The following STEAP1B variants were observed in gnomAD, a reference collection of about 807,000 sequenced individuals.
The protein encoded by STEAP1B is STEAP family protein MGC87042.
A neutral mutation model predicts 27.9 loss-of-function variants in STEAP1B; 13 were observed. That is an observed-to-expected ratio of 0.47 (90% CI 0.30 to 0.74). STEAP1B has a LOEUF of 0.74. Among genes scored for constraint, STEAP1B ranks in the 30% least tolerant of loss-of-function variants. STEAP1B has a pLI of 0.06. For missense variants in STEAP1B, 250 were observed against 298.7 expected (o/e 0.84, Z 1.20); for synonymous variants, 86 against 107.1 (o/e 0.80, Z 1.22).
At chr7:22,497,760 T>A (rs1454838758) in intron 1 of STEAP1B, among the ~76,000 whole-genome samples, 1 of 152,210 alleles carries the variant, frequency 6.6e-6, no homozygotes, top group East Asian at 1.9e-4. Flanking sequence ...GGAGATTTAA[T>A]TGGCTCATGG....
In STEAP1B at chr7:22,437,373, G is replaced by C. The variant is rs115173921; in HGVS notation, c.763-17537C>G. Among the ~76,000 whole-genome samples, 1,326 of 152,190 alleles carry C rather than the reference G, an allele frequency of 8.7e-3. 12 individuals carry two copies. Among genetic ancestry groups the C allele is most frequent in the African/African-American group, 0.03 (1,253 of 41,502 alleles). ...TGCAGTAGTTGTCTTTCTGTGTCTG[G>C]CTTACTTCACTTAGCATAATGTCTT... On this transcript the variant is annotated intron_variant, in intron 4 of 4. Coordinates refer to ENST00000678116, the MANE Select transcript of STEAP1B (RefSeq NM_001382447.1).
intron 4 of STEAP1B, among the ~76,000 whole-genome samples, chr7:22,487,570 GC>G (rs1192255700): frequency 7.6e-6 from 1 of 131,740 alleles, no homozygotes; most frequent in Non-Finnish European, 1.6e-5. Flanking sequence ...GATGGCGGGG[GC>G]GGGGGGGTGC....
At chr7:22,447,798 G>A (rs1211724633) in intron 4 of STEAP1B, among the ~76,000 whole-genome samples, 2 of 152,202 alleles carry the variant, frequency 1.3e-5, no homozygotes, top group Non-Finnish European at 1.5e-5. Flanking sequence ...AAATTGCATT[G>A]CCACCTAGTA....
In STEAP1B at chr7:22,493,590, T is replaced by C. The variant is rs1786382220; in HGVS notation, c.331A>G (p.Ile111Val). Residue 111 changes from isoleucine (I) to valine (V), a missense_variant, in exon 3 of 5, where the codon ATC becomes GTC. Transcript: ENST00000678116. ...SHQQYFYKIPILVINKVLPMV... is the reference protein window; with the variant it reads ...SHQQYFYKIPVLVINKVLPMV... ...GGCAAGACTTTGTTGATGACCAGGA[T>C]TGGAATTTTATAAAAATATTGTTGA... 3 of 1,613,800 alleles carry C rather than the reference T, an allele frequency of 1.9e-6. No individual in the cohort carries two copies. The highest frequency in any genetic ancestry group is 1.3e-5 in the African/African-American group (1 of 74,904).
chr7:22,442,460 T>C (rs770199530), intron 4 of STEAP1B, among the ~76,000 whole-genome samples: 10 of 152,256 alleles, frequency 6.6e-5, no homozygotes, highest in Non-Finnish European at 1.2e-4. Context: ...ACCTGTCCTA[T>C]TAGGCCCTGA....
At chr7:22,471,632 C>T (rs746193427) in intron 4 of STEAP1B, among the ~76,000 whole-genome samples, 23 of 152,222 alleles carry the variant, frequency 1.5e-4, no homozygotes, top group Middle Eastern at 3.4e-3. Flanking sequence ...AGGCCAGGTA[C>T]GGTGGCTCAC....
At chr7:22,444,568 G>C (rs564123108) in intron 4 of STEAP1B, among the ~76,000 whole-genome samples, 1 of 152,280 alleles carries the variant, frequency 6.6e-6, no homozygotes, top group East Asian at 1.9e-4. Flanking sequence ...ATGTCCCATC[G>C]GCTGCCCGGG....
chr7:22,444,217 G>A (rs1785375193), intron 4 of STEAP1B, among the ~76,000 whole-genome samples: 1 of 152,220 alleles, frequency 6.6e-6, no homozygotes, highest in African/African-American at 2.4e-5. Flanking sequence ...TGCTGCAAAG[G>A]AGTGAGGGTA....
intron 4 of STEAP1B, among the ~76,000 whole-genome samples, chr7:22,454,315 A>G (rs776806201): frequency 4.6e-5 from 7 of 152,162 alleles, no homozygotes; most frequent in Admixed American, 3.9e-4. Flanking sequence ...CAATTACTGC[A>G]AAGATCTTAT....
chr7:22,484,593 T>G lies in STEAP1B; in HGVS notation c.762+7972A>C, dbSNP rs986553250. On this transcript the variant is annotated intron_variant, in intron 4 of 4. Coordinates refer to ENST00000678116, the MANE Select transcript of STEAP1B (RefSeq NM_001382447.1). The stretch of plus-strand genomic sequence containing the variant: ...GTTTTGTTTTGTTTTTCACACCTGC[T>G]AATACCATATTCATTCTGCAGCCCA... Among the ~76,000 whole-genome samples the G allele has an allele frequency of 6.6e-5, 10 of 152,348 alleles. No homozygotes were observed. In the South Asian group the frequency reaches 1.7e-3, roughly 25 times the overall value.
rs1253091032 is a variant in STEAP1B at position 22,419,712 on chromosome 7, G to A, written c.*92C>T. On this transcript the variant is annotated 3_prime_UTR_variant, in exon 5 of 5. Transcript: ENST00000678116. ...GCATGGCTGTTCATTGTGGCAGAGG[G>A]AAAGGGCACTGGGTGGTGTTCTGCA... is the stretch of plus-strand genomic sequence containing the variant. 2.1e-6 allele frequency: 3 copies of A among 1,411,552 alleles called. No individual in the cohort carries two copies. The highest frequency in any genetic ancestry group is 5.3e-5 in the East Asian group (2 of 37,820). The allele number at this position is 1,411,552 out of a possible 1,614,324, so 87.4% of individuals were successfully genotyped here.
chr7:22,445,486 A>G lies in STEAP1B; in HGVS notation c.763-25650T>C, dbSNP rs116602719. Among the ~76,000 whole-genome samples the G allele has an allele frequency of 5.4e-3, 826 of 152,350 alleles. 6 individuals carry two copies. The highest frequency in any genetic ancestry group is 0.018 in the African/African-American group (751 of 41,574). ...GAGAACCGGGCAGGAACTGGCCAGC[A>G]AAGGCAGCTATAAATACTCCTCTTG... On this transcript the variant is annotated intron_variant, in intron 4 of 4. Coordinates refer to ENST00000678116, the MANE Select transcript of STEAP1B (RefSeq NM_001382447.1).
chr7:22,456,161 T>C (rs1785576050), intron 4 of STEAP1B, among the ~76,000 whole-genome samples: 1 of 151,458 alleles, frequency 6.6e-6, no homozygotes, highest in South Asian at 2.1e-4. Flanking sequence ...AAAAAAAAAA[T>C]CTTCCTAATC....
At chr7:22,460,901 T>C (rs182973616) in intron 4 of STEAP1B, among the ~76,000 whole-genome samples, 2 of 152,348 alleles carry the variant, frequency 1.3e-5, no homozygotes, top group African/African-American at 4.8e-5. Flanking sequence ...TACCTTTTCA[T>C]TGTATTACTG....
chr7:22,480,595 C>T (rs1468191215), intron 4 of STEAP1B, among the ~76,000 whole-genome samples: 1 of 152,206 alleles, frequency 6.6e-6, no homozygotes, highest in Non-Finnish European at 1.5e-5. Flanking sequence ...AAGCTATCCA[C>T]TCTATTGAGA....
intron 4 of STEAP1B, among the ~76,000 whole-genome samples, chr7:22,455,831 C>T (rs140361519): frequency 3.5e-4 from 54 of 152,306 alleles, no homozygotes; most frequent in Non-Finnish European, 6.9e-4. Flanking sequence ...CCTAAAAAGG[C>T]AAACGAGTAT....
chr7:22,445,360 T>C (rs1488236049), intron 4 of STEAP1B, among the ~76,000 whole-genome samples: 1 of 152,272 alleles, frequency 6.6e-6, no homozygotes, highest in Non-Finnish European at 1.5e-5. Context: ...GACTGACATC[T>C]GCAACTCTTC....
chr7:22,454,288 C>T (rs906134765), intron 4 of STEAP1B, among the ~76,000 whole-genome samples: 2 of 152,136 alleles, frequency 1.3e-5, no homozygotes, highest in African/African-American at 4.8e-5. Context: ...ATTTGTTCTC[C>T]TTTTACTCCG....
intron 4 of STEAP1B, among the ~76,000 whole-genome samples, chr7:22,435,551 G>T (rs1030826952): frequency 1.3e-5 from 2 of 152,086 alleles, no homozygotes; most frequent in African/African-American, 4.8e-5. Flanking sequence ...AGCACCAAGG[G>T]GGGTGGTTAT....
Sources: gnomAD v4.1 joint callset for allele counts (sites outside exome capture counted in the v4.1 genomes callset) on GRCh38, gnomAD v4.1.1 for gene constraint, MANE v1.5 for transcripts, NCBI Gene and HGNC (gene_info 2026-07-23, HGNC 2026-07-21) for gene names.